HECW1: variants seen among roughly 807,000 people sequenced by gnomAD.
The protein encoded by HECW1 is E3 ubiquitin-protein ligase HECW1.
In HECW1, 61 loss-of-function variants were observed where a neutral mutation model predicts 182.3. The observed-to-expected ratio is 0.33, with a 90% CI of 0.27 to 0.41. HECW1 has a LOEUF of 0.41. Ranked by LOEUF, HECW1 falls within the 10% of genes least tolerant of loss-of-function variation. HECW1 has a pLI of 1.00. For synonymous variants in HECW1, 859 were observed against 832.6 expected (o/e 1.03, Z -0.55); for missense variants, 1,739 against 2,108.9 (o/e 0.82, Z 3.44).
chr7:43,185,327 G>A (rs114979625), intron 2 of HECW1, among the ~76,000 whole-genome samples: 441 of 152,188 alleles, frequency 2.9e-3, no homozygotes, highest in African/African-American at 0.01. Flanking sequence ...CAATAAACTG[G>A]TAAACGTAAG....
intron 2 of HECW1, among the ~76,000 whole-genome samples, chr7:43,170,259 T>C (rs1171167165): frequency 6.6e-6 from 1 of 152,188 alleles, no homozygotes; most frequent in Non-Finnish European, 1.5e-5. Flanking sequence ...CATGTAATAA[T>C]ATATACATGT....
At chr7:43,264,557 T>C (rs1013248652) in intron 3 of HECW1, among the ~76,000 whole-genome samples, 1 of 152,126 alleles carries the variant, frequency 6.6e-6, no homozygotes, top group Non-Finnish European at 1.5e-5. Context: ...AAATAATTAC[T>C]ATTGTCAGCC....
intron 2 of HECW1, among the ~76,000 whole-genome samples, chr7:43,150,366 G>A (rs1789165549): frequency 6.6e-6 from 1 of 152,094 alleles, no homozygotes; most frequent in African/African-American, 2.4e-5. Flanking sequence ...CACTGAACCA[G>A]CATTTTATTT....
intron 2 of HECW1, among the ~76,000 whole-genome samples, chr7:43,232,424 G>A (rs1208260721): frequency 1.3e-5 from 2 of 152,292 alleles, no homozygotes; most frequent in Admixed American, 1.3e-4. Context: ...AACTGCATTA[G>A]CTTGCTTTTG....
At chr7:43,541,081 C>A in intron 24 of HECW1, 82 bp from the exon 25 acceptor site, 1 of 1,079,500 alleles carries the variant, frequency 9.3e-7, no homozygotes, top group Non-Finnish European at 1.4e-6. Context: ...AATGCTCAAA[C>A]ACATCAAATA....
intron 8 of HECW1, among the ~76,000 whole-genome samples, chr7:43,437,043 C>A (rs969418357): frequency 3.3e-5 from 5 of 152,134 alleles, no homozygotes; most frequent in African/African-American, 9.7e-5. Flanking sequence ...CAAATGAATA[C>A]TTTAGAATCA....
chr7:43,330,719 A>G (rs1395400522), intron 5 of HECW1, among the ~76,000 whole-genome samples: 1 of 152,196 alleles, frequency 6.6e-6, no homozygotes, highest in Non-Finnish European at 1.5e-5. Flanking sequence ...GAAAGACTGT[A>G]GGCTGAAAGG....
intron 3 of HECW1, among the ~76,000 whole-genome samples, chr7:43,280,415 A>G (rs1803741428): frequency 6.6e-6 from 1 of 152,196 alleles, no homozygotes; most frequent in East Asian, 1.9e-4. Context: ...AAGGGCGATT[A>G]AAATGCCGAG....
At chr7:43,399,511 C>A (rs954617818) in intron 7 of HECW1, among the ~76,000 whole-genome samples, 2 of 152,202 alleles carry the variant, frequency 1.3e-5, no homozygotes. Context: ...TGTCACTAAC[C>A]AAAGGTCCAG....
chr7:43,280,498 G>T (rs924873258), intron 3 of HECW1, among the ~76,000 whole-genome samples: 4 of 152,214 alleles, frequency 2.6e-5, no homozygotes, highest in Non-Finnish European at 2.9e-5. Flanking sequence ...TGAGACGTAA[G>T]ACAAGTTTTG....
At chr7:43,472,408 T>C (rs2078058144) in intron 16 of HECW1, among the ~76,000 whole-genome samples, 1 of 152,194 alleles carries the variant, frequency 6.6e-6, no homozygotes, top group African/African-American at 2.4e-5. Context: ...GGCAGGATTT[T>C]AAGCTTTTTA....
At chr7:43,158,975 G>C (rs10215924) in intron 2 of HECW1, among the ~76,000 whole-genome samples, 64,000 of 151,910 alleles carry the variant, frequency 0.42, 14,047 homozygotes, top group East Asian at 0.55. Context: ...GGTTCTGATT[G>C]AGTAGGTGGG....
chr7:43,445,782 A>G (rs1430780059), intron 11 of HECW1, among the ~76,000 whole-genome samples: 3 of 152,226 alleles, frequency 2.0e-5, no homozygotes, highest in Non-Finnish European at 4.4e-5. Context: ...TCTCAGATAC[A>G]CACCAGGAAT....
rs182027372 is a variant in HECW1, at chr7:43,370,676, A to G, written c.555+9696A>G. Among the ~76,000 whole-genome samples, 105 of 152,300 alleles carry G rather than the reference A, an allele frequency of 6.9e-4. 1 individual carries two copies. The East Asian group carries it at 0.018, about 27-fold the overall frequency. ...ATGGAATATTATTCAGTACTAAAAA[A>G]AAATGAGCTGCCAAGCTATAAAAAG... is the stretch of plus-strand genomic sequence containing the variant. On this transcript the variant is annotated intron_variant, in intron 6 of 29. Transcript: ENST00000395891.
At chr7:43,277,328 C>T (rs1428450975) in intron 3 of HECW1, among the ~76,000 whole-genome samples, 2 of 152,106 alleles carry the variant, frequency 1.3e-5, no homozygotes, top group Non-Finnish European at 2.9e-5. Flanking sequence ...GACAGGTGAA[C>T]GGCCCGCATG....
At chr7:43,351,052 T>G (rs1483678863) in intron 5 of HECW1, among the ~76,000 whole-genome samples, 2 of 152,248 alleles carry the variant, frequency 1.3e-5, no homozygotes, top group South Asian at 4.1e-4. Flanking sequence ...CTTTTGCCTC[T>G]GGGGTGTTCC....
chr7:43,141,522 A>T (rs1488231012), intron 2 of HECW1, among the ~76,000 whole-genome samples: 1 of 152,024 alleles, frequency 6.6e-6, no homozygotes, highest in African/African-American at 2.4e-5. Context: ...TTTTTTAAAC[A>T]GAGTTTCGCT....
At chr7:43,137,893 C>G (rs1787736076) in intron 2 of HECW1, among the ~76,000 whole-genome samples, 1 of 151,966 alleles carries the variant, frequency 6.6e-6, no homozygotes, top group Non-Finnish European at 1.5e-5. Context: ...TACTCCCTCC[C>G]AAAGATGCAG....
At chr7:43,151,658 A>T (rs987051243) in intron 2 of HECW1, among the ~76,000 whole-genome samples, 1 of 152,178 alleles carries the variant, frequency 6.6e-6, no homozygotes, top group Non-Finnish European at 1.5e-5. Flanking sequence ...ATTGCTAAAA[A>T]TTGAATTAGG....
Sources: gnomAD v4.1 joint callset for allele counts (sites outside exome capture counted in the v4.1 genomes callset) on GRCh38, gnomAD v4.1.1 for gene constraint, MANE v1.5 for transcripts, NCBI Gene and HGNC (gene_info 2026-07-23, HGNC 2026-07-21) for gene names.